The following EI24 variants were observed in gnomAD, a reference collection of about 807,000 sequenced individuals.
EI24 encodes the protein etoposide-induced protein 2.4 homolog.
EI24 carries 21 observed loss-of-function variants against 48.6 expected under a neutral mutation model. That is an observed-to-expected ratio of 0.43 (90% CI 0.31 to 0.62). EI24 has a LOEUF of 0.62. EI24 is among the 20% of genes least tolerant of loss of function. The pLI is 0.10. For missense variants in EI24, 280 were observed against 410.5 expected (o/e 0.68, Z 2.75); for synonymous variants, 114 against 145.5 (o/e 0.78, Z 1.56).
Position 125,581,537 on chromosome 11 carries a change from CTTTTTTTTTTTTTTTT to C in EI24, c.785+227_785+242del, listed in dbSNP as rs33956827. On this transcript the variant is annotated intron_variant, in intron 9 of 10. Transcript: ENST00000278903. ...TATGTTGCCTCCTGAAGCAATTATTCTTTTTTTTTTTTTTTTTTTTTTTTTTTGAGACAGAGTCTCA... is the reference window on the plus strand; with the variant it reads ...TATGTTGCCTCCTGAAGCAATTATTCTTTTTTTTTTTGAGACAGAGTCTCA... Among the ~76,000 whole-genome samples, 7 of 50,748 alleles carry C rather than the reference CTTTTTTTTTTTTTTTT, an allele frequency of 1.4e-4. 1 individual carries two copies. The highest frequency in any genetic ancestry group is 5.9e-4 in the African/African-American group (7 of 11,944). The allele number at this position is 50,748 out of a possible 152,430, so 33.3% of individuals were successfully genotyped here. A position where few individuals can be genotyped will look rare whatever the true frequency, so the allele number is the denominator to read the frequency against.
intron 9 of EI24, among the ~76,000 whole-genome samples, chr11:125,582,140 G>A (rs1939033981): frequency 6.6e-6 from 1 of 151,934 alleles, no homozygotes; most frequent in South Asian, 2.1e-4. Context: ...GGAGGTTGCG[G>A]TGAGTTGAGA....
chr11:125,583,435 G>T, intron 10 of EI24, 86 bp from the exon 11 acceptor site: 1 of 1,128,542 alleles, frequency 8.9e-7, no homozygotes, highest in South Asian at 1.6e-5. Context: ...TCCCTGTGTA[G>T]TTTTAAATTT....
At chr11:125,580,476 C>T (rs1938948294) in intron 8 of EI24, among the ~76,000 whole-genome samples, 1 of 152,142 alleles carries the variant, frequency 6.6e-6, no homozygotes. Flanking sequence ...GCATGAGTTG[C>T]TCTAAATTAG....
rs573216614 is a variant in EI24, at chr11:125,574,509, TAC to T, written c.43-752_43-751del. On this transcript the variant is annotated intron_variant, in intron 2 of 10. Coordinates refer to ENST00000278903, the MANE Select transcript of EI24 (RefSeq NM_004879.5). ...AATTTATGTTCCTGTTAACAGATAA[TAC>T]ATCAACTTGCCCATTTCTCTGTATT... Among the ~76,000 whole-genome samples the T allele has an allele frequency of 1.3e-3, 201 of 152,370 alleles. 1 individual carries two copies. The highest frequency in any genetic ancestry group is 4.7e-3 in the African/African-American group (196 of 41,588).
At chr11:125,575,531 TCCC>T in intron 3 of EI24, 123 bp downstream of exon 3, 2 of 1,154,794 alleles carry the variant, frequency 1.7e-6, no homozygotes, top group South Asian at 3.7e-5. Flanking sequence ...GCAAGTGATT[TCCC>T]CCCAACAACA....
chr11:125,582,479 G>A (rs1180830765), intron 10 of EI24, 59 bp downstream of exon 10: 3 of 1,258,648 alleles, frequency 2.4e-6, no homozygotes, highest in Non-Finnish European at 3.3e-6. Context: ...TGTAACACCA[G>A]TTATGTCAGT....
At position 125,581,193 on chromosome 11, in the gene EI24, T is replaced by C; in HGVS notation, c.674-18T>C. The C allele has an allele frequency of 2.5e-6, 4 of 1,570,274 alleles. No homozygotes were observed. Among genetic ancestry groups the C allele is most frequent in the Non-Finnish European group, 3.5e-6 (4 of 1,143,946 alleles). ...AAAGGAAATATAATATCTAATTGTA[T>C]TGGCTTTCTTGTTTTAGGAATTGAA... On this transcript the variant is annotated intron_variant, in intron 8 of 10. Coordinates refer to ENST00000278903, the MANE Select transcript of EI24 (RefSeq NM_004879.5).
chr11:125,575,314 C>G lies in EI24; in HGVS notation c.94C>G (p.Arg32Gly). 6.4e-7 allele frequency: 1 copy of G among 1,561,842 alleles called. No individual in the cohort carries two copies. Among genetic ancestry groups the G allele is most frequent in the Non-Finnish European group, 8.7e-7 (1 of 1,153,162 alleles). The part of the protein sequence containing the change: ...GICTISKLDA[R>G]IQQKREEQRR... ...TTGTACCATCTCAAAGCTAGATGCT[C>G]GAATCCAGCAAAAGAGAGAGGAGCA... is the stretch of plus-strand genomic sequence containing the variant. The change falls in exon 3 of 11, where the codon CGA (arginine) becomes GGA (glycine). Residue 32 changes from arginine (R) to glycine (G), a missense_variant. By Grantham distance (125) the Arg-to-Gly change is moderately radical. This residue lies in a region of EI24 where 204 missense variants were observed against 294.1 expected (regional missense o/e 0.69). Coordinates refer to ENST00000278903, the MANE Select transcript of EI24 (RefSeq NM_004879.5).
Position 125,582,339 on chromosome 11 carries a change from T to TTAA in EI24, c.786-7_786-6insTAA. The TTAA allele has an allele frequency of 6.5e-7, 1 of 1,534,000 alleles. No individual in the cohort carries two copies. Reference sequence around the variant, plus strand: ...ACTAATTATTTCTTTTTTTTTTTTTTAAACAGTGGCTGCCTTTTCTCTATC... The same window carrying TTAA: ...ACTAATTATTTCTTTTTTTTTTTTTTTAAAAACAGTGGCTGCCTTTTCTCTATC... On this transcript the variant is annotated splice_polypyrimidine_tract_variant and splice_region_variant and intron_variant, in intron 9 of 10. Coordinates refer to ENST00000278903, the MANE Select transcript of EI24 (RefSeq NM_004879.5).
chr11:125,583,145 A>C (rs1468124670), intron 10 of EI24, among the ~76,000 whole-genome samples: 2 of 152,056 alleles, frequency 1.3e-5, no homozygotes, highest in African/African-American at 4.8e-5. Flanking sequence ...CTGTCACCCA[A>C]GCTGGAGTGC....
rs1478056678 is a variant in EI24, at chr11:125,569,578, G to A, written c.-71+5G>A. On this transcript the variant is annotated splice_donor_5th_base_variant and intron_variant, in intron 1 of 10. Transcript: ENST00000278903. ...GCCGCGGCGGCGGAGCTGTGGGTAG[G>A]TGCGGGCTCAGCCGAGCTAGGCCTC... 1 of 369,324 alleles carries A rather than the reference G, an allele frequency of 2.7e-6. No individual in the cohort carries two copies. The highest frequency in any genetic ancestry group is 4.8e-6 in the Non-Finnish European group (1 of 207,370). The allele number at this position is 369,324 out of a possible 1,614,324, so 22.9% of individuals were successfully genotyped here.
rs1277891451 is a variant in EI24, at chr11:125,583,755, C to T, written c.*72C>T. 4.5e-6 allele frequency: 7 copies of T among 1,560,654 alleles called. No individual in the cohort carries two copies. The highest frequency in any genetic ancestry group is 2.4e-5 in the East Asian group (1 of 41,904). On this transcript the variant is annotated 3_prime_UTR_variant, in exon 11 of 11. Transcript: ENST00000278903. ...GCAGCTCTTTTCCCTGTTCACCTCC[C>T]GCCTGCCAGGGAAGGCAGGACCCGC...
intron 10 of EI24, among the ~76,000 whole-genome samples, chr11:125,583,058 A>G (rs897063305): frequency 6.6e-5 from 10 of 152,216 alleles, no homozygotes; most frequent in African/African-American, 1.9e-4. Flanking sequence ...CAATACTTCA[A>G]CGCTGGTGAC....
At position 125,575,266 on chromosome 11, in the gene EI24, A is replaced by G. The variant is rs1253897850; in HGVS notation, c.46A>G (p.Ile16Val). ...KTFLQDLARG[I>V]KDSIWGICTI... ...ATAATGATAGCCTTTTCTATAGGGA[A>G]TCAAAGACTCCATCTGGGGTATTTG... The change falls in exon 3 of 11, where the codon ATC (isoleucine) becomes GTC (valine). Residue 16 changes from isoleucine to valine, a missense_variant. By Grantham distance (29) the Ile-to-Val change is conservative (BLOSUM62 3). Coordinates refer to ENST00000278903, the MANE Select transcript of EI24 (RefSeq NM_004879.5). The G allele has an allele frequency of 6.5e-7, 1 of 1,545,692 alleles. No homozygotes were observed. The highest frequency in any genetic ancestry group is 1.2e-5 in the South Asian group (1 of 83,740).
At chr11:125,576,430 C>A in intron 4 of EI24, 115 bp downstream of exon 4, 1 of 935,870 alleles carries the variant, frequency 1.1e-6, no homozygotes, top group Non-Finnish European at 1.7e-6. Flanking sequence ...TGCTGATGTA[C>A]ACTTAGAAAT....
At position 125,574,514 on chromosome 11, in the gene EI24, C is replaced by T. The variant is rs188932362; in HGVS notation, c.43-749C>T. The stretch of plus-strand genomic sequence containing the variant: ...ATGTTCCTGTTAACAGATAATACAT[C>T]AACTTGCCCATTTCTCTGTATTCCA... On this transcript the variant is annotated intron_variant, in intron 2 of 10. Transcript: ENST00000278903. 1.2e-3 allele frequency among the ~76,000 whole-genome samples: 186 copies of T among 152,344 alleles called. 5 individuals carry two copies. Among genetic ancestry groups the T allele is most frequent in the Non-Finnish European group, 2.8e-4 (19 of 68,028 alleles).
intron 4 of EI24, among the ~76,000 whole-genome samples, chr11:125,576,527 T>A (rs994245987): frequency 3.3e-5 from 5 of 152,242 alleles, no homozygotes; most frequent in Admixed American, 6.5e-5. Context: ...CAGCCCTGAA[T>A]ATACACTTGA....
chr11:125,583,839 G>C lies in EI24; in HGVS notation c.*156G>C. 2.0e-6 allele frequency: 2 copies of C among 1,006,630 alleles called. No homozygotes were observed. Among genetic ancestry groups the C allele is most frequent in the Non-Finnish European group, 1.4e-6 (1 of 691,620 alleles). The allele number at this position is 1,006,630 out of a possible 1,614,324, so 62.4% of individuals were successfully genotyped here. On this transcript the variant is annotated 3_prime_UTR_variant, in exon 11 of 11. Coordinates refer to ENST00000278903, the MANE Select transcript of EI24 (RefSeq NM_004879.5). ...CTGAGGAATTGAAATTTTTGTCTCT[G>C]GTGCACGTAAGGCAGAATGTTCCCT...
intron 9 of EI24, among the ~76,000 whole-genome samples, chr11:125,581,610 A>G (rs569239345): frequency 2.5e-5 from 3 of 119,318 alleles, no homozygotes; most frequent in Non-Finnish European, 4.8e-5. Context: ...GCAGTGGTGT[A>G]ATCTCAGCTC....
Sources: allele counts gnomAD v4.1 joint callset (sites outside exome capture counted in the v4.1 genomes callset), GRCh38; gene constraint gnomAD v4.1.1; regional missense constraint gnomAD v4.1.1; transcripts MANE v1.5; gene names NCBI Gene and HGNC (gene_info 2026-07-23, HGNC 2026-07-21).